The following AOPEP variants were observed in gnomAD, a reference collection of about 807,000 sequenced individuals.
The protein encoded by AOPEP is aminopeptidase O (putative), also known as aminopeptidase O.
AOPEP carries 77 observed loss-of-function variants against 98.1 expected under a neutral mutation model. The ratio of observed to expected loss-of-function variants is 0.78; its 90% CI spans 0.65 to 0.95. The LOEUF (loss-of-function observed/expected upper bound fraction) is 0.95. AOPEP is among the 40% of genes least tolerant of loss of function. The pLI, the probability that AOPEP is intolerant of heterozygous loss-of-function variation, is 0.00. For synonymous variants in AOPEP, 346 were observed against 365.3 expected, an observed-to-expected ratio of 0.95 and a Z score of 0.60; for missense variants, 1,024 against 1,024.7, an observed-to-expected ratio of 1.00 and a Z score of 0.01.
At chr9:94,865,801 A>T (rs547914600) in intron 5 of AOPEP, among the ~76,000 whole-genome samples, 1 of 152,240 alleles carries the variant, frequency 6.6e-6, no homozygotes, top group Non-Finnish European at 1.5e-5. Context: ...TGGAACTCTT[A>T]TGTAAAAATC....
chr9:94,873,083 G>A (rs963221716), intron 5 of AOPEP, among the ~76,000 whole-genome samples: 10 of 152,034 alleles, frequency 6.6e-5, no homozygotes, highest in Admixed American at 6.5e-4. Flanking sequence ...CAAAGAGAAG[G>A]CAACAAGGAA....
At chr9:95,016,177 T>C (rs934892344) in intron 13 of AOPEP, among the ~76,000 whole-genome samples, 2 of 150,718 alleles carry the variant, frequency 1.3e-5, no homozygotes, top group African/African-American at 4.9e-5. Context: ...TAAGGCAAAA[T>C]AAAATGTTTC....
At chr9:95,008,213 C>T (rs1589246140) in intron 13 of AOPEP, among the ~76,000 whole-genome samples, 2 of 152,284 alleles carry the variant, frequency 1.3e-5, no homozygotes, top group African/African-American at 2.4e-5. Context: ...TGCCTCCAGC[C>T]CCGAAGGGTC....
chr9:95,045,109 A>G (rs1341269063), intron 13 of AOPEP, among the ~76,000 whole-genome samples: 1 of 152,150 alleles, frequency 6.6e-6, no homozygotes, highest in Non-Finnish European at 1.5e-5. Flanking sequence ...CTTGTGCCCA[A>G]GGTCACAAGG....
At chr9:94,744,949 A>G (rs1352811251) in intron 1 of AOPEP, among the ~76,000 whole-genome samples, 1 of 152,022 alleles carries the variant, frequency 6.6e-6, no homozygotes, top group Non-Finnish European at 1.5e-5. Flanking sequence ...TTCTGGATAC[A>G]TATTAGGTAT....
intron 13 of AOPEP, among the ~76,000 whole-genome samples, chr9:95,026,694 T>C (rs115806694): frequency 0.014 from 2,118 of 152,334 alleles, 55 homozygotes; most frequent in African/African-American, 0.048. Flanking sequence ...CTCTCTCCGA[T>C]AGATGACCTA....
Position 95,041,704 on chromosome 9 carries a change from G to A in AOPEP, c.2116-18990G>A, listed in dbSNP as rs746777728. On this transcript the variant is annotated intron_variant, in intron 13 of 16. Transcript: ENST00000375315. ...TACTCATTAACTGGAATCGCTCTTA[G>A]ATTTGATCAAGACGCGGTGGCCCCT... Among the ~76,000 whole-genome samples, 10 of 152,162 alleles carry A rather than the reference G, an allele frequency of 6.6e-5. 1 individual carries two copies. Among genetic ancestry groups the A allele is most frequent in the Non-Finnish European group, 1.0e-4 (7 of 68,028 alleles).
chr9:95,002,294 T>C (rs927848351), intron 11 of AOPEP, among the ~76,000 whole-genome samples: 2 of 151,664 alleles, frequency 1.3e-5, no homozygotes, highest in Non-Finnish European at 2.9e-5. Context: ...ACATATTTAT[T>C]GAATTTCTAG....
At chr9:95,045,681 C>CT (rs943089211) in intron 13 of AOPEP, among the ~76,000 whole-genome samples, 17 of 152,176 alleles carry the variant, frequency 1.1e-4, no homozygotes, top group South Asian at 4.1e-4. Context: ...CAGGTGTTTT[C>CT]TTTTTTTTCT....
At chr9:94,959,053 G>GTTTTTTTTTTTT (rs1372000623) in intron 9 of AOPEP, among the ~76,000 whole-genome samples, 4 of 150,644 alleles carry the variant, frequency 2.7e-5, no homozygotes, top group African/African-American at 9.8e-5. Flanking sequence ...TAATGTTTTT[G>GTTTTTTTTTTTT]TTTTTTTTGA....
chr9:94,789,387 C>T (rs773545861), intron 3 of AOPEP, among the ~76,000 whole-genome samples: 4 of 152,170 alleles, frequency 2.6e-5, no homozygotes, highest in Non-Finnish European at 4.4e-5. Context: ...TCTTGGTAAA[C>T]TCTAAAATGT....
At chr9:94,791,821 A>C (rs1845788056) in intron 3 of AOPEP, among the ~76,000 whole-genome samples, 2 of 152,040 alleles carry the variant, frequency 1.3e-5, no homozygotes, top group Admixed American at 1.3e-4. Context: ...CTGAACCTAA[A>C]ATAAAAGTTA....
chr9:94,752,580 C>T (rs1449416815), intron 1 of AOPEP, among the ~76,000 whole-genome samples: 2 of 152,170 alleles, frequency 1.3e-5, no homozygotes, highest in African/African-American at 4.8e-5. Context: ...GGATGTAATA[C>T]AGACATTTTC....
chr9:95,056,170 T>A (rs896051308), intron 13 of AOPEP: 2 of 152,238 alleles, frequency 1.3e-5, no homozygotes, highest in African/African-American at 4.8e-5. Context: ...TAGGCACAGA[T>A]CCCAGAGTGA....
intron 5 of AOPEP, among the ~76,000 whole-genome samples, chr9:94,825,488 G>T (rs1854304487): frequency 6.6e-6 from 1 of 152,262 alleles, no homozygotes; most frequent in Non-Finnish European, 1.5e-5. Flanking sequence ...AAGTAGTGTT[G>T]TGTGAGCCTT....
intron 14 of AOPEP, among the ~76,000 whole-genome samples, chr9:95,066,356 A>G (rs189168524): frequency 6.6e-6 from 1 of 152,320 alleles, no homozygotes; most frequent in Non-Finnish European, 1.5e-5. Context: ...TAAAATCACA[A>G]AGAACTTTCT....
chr9:95,043,260 A>ACATATATATACAGATATATATG, intron 13 of AOPEP, among the ~76,000 whole-genome samples: 1 of 149,050 alleles, frequency 6.7e-6, no homozygotes, highest in East Asian at 1.9e-4. Context: ...ATATATATAT[A>ACATATATATACAGATATATATG]CATATATATC....
the AOPEP span, among the ~76,000 whole-genome samples, chr9:95,130,029 TCAA>T: frequency 6.6e-6 from 1 of 152,102 alleles, no homozygotes; most frequent in African/African-American, 2.4e-5. Context: ...CAACATGGAA[TCAA>T]CACACAATAA....
At chr9:94,973,524 T>C (rs2059654185) in intron 10 of AOPEP, among the ~76,000 whole-genome samples, 1 of 152,232 alleles carries the variant, frequency 6.6e-6, no homozygotes, top group Non-Finnish European at 1.5e-5. Flanking sequence ...CCGTGTTAAC[T>C]AAGTGTGACC....
Sources: allele counts gnomAD v4.1 joint callset (sites outside exome capture counted in the v4.1 genomes callset), GRCh38; gene constraint gnomAD v4.1.1; transcripts MANE v1.5; gene names NCBI Gene and HGNC (gene_info 2026-07-23, HGNC 2026-07-21).